Variants in WDFY2 observed in about 807,000 individuals in gnomAD.
The protein encoded by WDFY2 is WD repeat and FYVE domain-containing protein 2.
In WDFY2, 36 loss-of-function variants were observed where a neutral mutation model predicts 56.4. The ratio of observed to expected loss-of-function variants is 0.64; its 90% CI spans 0.49 to 0.84. The LOEUF (loss-of-function observed/expected upper bound fraction) is 0.84. Among genes scored for constraint, WDFY2 ranks in the 40% least tolerant of loss-of-function variants. The probability of loss-of-function intolerance (pLI) is 0.00; values close to 1 mark genes in which losing one functional copy is unlikely to be tolerated. For missense variants in WDFY2, 444 were observed against 512.2 expected (o/e 0.87, Z 1.29); for synonymous variants, 176 against 183.7 (o/e 0.96, Z 0.34).
intron 3 of WDFY2, among the ~76,000 whole-genome samples, chr13:51,686,347 A>G (rs1038886920): frequency 7.2e-5 from 11 of 152,146 alleles, no homozygotes; most frequent in Non-Finnish European, 2.9e-5. Context: ...AAGCCCTCAG[A>G]AAGTGGTAAT....
At chr13:51,588,164 A>G (rs1412907307) in intron 1 of WDFY2, 1 of 152,204 alleles carries the variant, frequency 6.6e-6, no homozygotes, top group East Asian at 1.9e-4. Context: ...TGGATACCTC[A>G]TTTCCCAGCT....
intron 3 of WDFY2, among the ~76,000 whole-genome samples, chr13:51,696,450 A>G (rs1384742987): frequency 6.6e-6 from 1 of 152,228 alleles, no homozygotes; most frequent in Non-Finnish European, 1.5e-5. Context: ...ATTAACATAT[A>G]AGTTGTATCT....
chr13:51,731,948 A>G (rs913042313), intron 6 of WDFY2, among the ~76,000 whole-genome samples: 1 of 152,174 alleles, frequency 6.6e-6, no homozygotes, highest in African/African-American at 2.4e-5. Context: ...TCATGTCCAA[A>G]GGCCAAAGCA....
chr13:51,604,115 A>AT (rs1362749923), intron 1 of WDFY2, among the ~76,000 whole-genome samples: 2 of 152,034 alleles, frequency 1.3e-5, no homozygotes, highest in East Asian at 1.9e-4. Flanking sequence ...ATGCAAAAAC[A>AT]TTTTTTTTAA....
rs137985339 is a variant in WDFY2 at position 51,641,226 on chromosome 13, C to T, written c.138-19370C>T. Among the ~76,000 whole-genome samples, 304 of 152,002 alleles carry T rather than the reference C, an allele frequency of 2.0e-3. 2 individuals are homozygous for T. The highest frequency in any genetic ancestry group is 6.7e-3 in the African/African-American group (280 of 41,518). On this transcript the variant is annotated intron_variant, in intron 1 of 11. Transcript: ENST00000298125. ...TAGCTGGGATTATAGGCGCCTGCTG[C>T]GCCCGGCTAATTCTTTGTATTTTTA...
intron 1 of WDFY2, among the ~76,000 whole-genome samples, chr13:51,629,872 T>C (rs1433895994): frequency 6.8e-6 from 1 of 146,528 alleles, no homozygotes; most frequent in Non-Finnish European, 1.5e-5. Context: ...CTGAAAAATA[T>C]TGAAAGTACA....
intron 3 of WDFY2, among the ~76,000 whole-genome samples, chr13:51,677,391 G>A (rs1320391179): frequency 6.6e-6 from 1 of 152,182 alleles, no homozygotes; most frequent in Non-Finnish European, 1.5e-5. Flanking sequence ...TGAGAGAACA[G>A]CATGTTTAAG....
chr13:51,594,765 C>T lies in WDFY2; in HGVS notation c.137+9941C>T, dbSNP rs187389266. 3.1e-3 allele frequency among the ~76,000 whole-genome samples: 470 copies of T among 152,272 alleles called. 3 individuals carry two copies. Among genetic ancestry groups the T allele is most frequent in the African/African-American group, 0.011 (445 of 41,546 alleles). On this transcript the variant is annotated intron_variant, in intron 1 of 11. Transcript: ENST00000298125. Reference sequence around the variant, plus strand: ...CTGCAAATTGGGAGTAATGACTCGTCCTAGTGTTGTTGGGAGGTTTACATG... The same window carrying T: ...CTGCAAATTGGGAGTAATGACTCGTTCTAGTGTTGTTGGGAGGTTTACATG...
At chr13:51,721,221 T>A (rs1255795975) in intron 5 of WDFY2, among the ~76,000 whole-genome samples, 1 of 152,138 alleles carries the variant, frequency 6.6e-6, no homozygotes, top group African/African-American at 2.4e-5. Context: ...ACCCAGCTAG[T>A]AAGTAGGAAA....
chr13:51,601,699 G>C (rs1030320545), intron 1 of WDFY2, among the ~76,000 whole-genome samples: 2 of 152,130 alleles, frequency 1.3e-5, no homozygotes, highest in Non-Finnish European at 2.9e-5. Context: ...TCATTTTAAA[G>C]ATGTAGAAAC....
chr13:51,584,784 GT>G lies in WDFY2; in HGVS notation c.98del (p.Val33GlyfsTer20). ...GGAGGTGGTGAATATGGCCGTGATC[GT>G]GCCCAAAGAGGAGGGCGTCATCAGC... is the stretch of plus-strand genomic sequence containing the variant. ...SQEVVNMAVI[V>X]PKEEGVISVS... On this transcript the variant is annotated frameshift_variant, in exon 1 of 12. Coordinates refer to ENST00000298125, the MANE Select transcript of WDFY2 (RefSeq NM_052950.4). LOFTEE classifies it high-confidence loss of function. 1 of 1,613,938 alleles carries G rather than the reference GT, an allele frequency of 6.2e-7. No homozygotes were observed. Among genetic ancestry groups the G allele is most frequent in the Non-Finnish European group, 8.5e-7 (1 of 1,179,830 alleles).
chr13:51,718,721 A>G (rs1458999919), intron 4 of WDFY2, among the ~76,000 whole-genome samples: 7 of 152,204 alleles, frequency 4.6e-5, no homozygotes, highest in East Asian at 3.8e-4. Context: ...GTATGGCTTT[A>G]TAAGACAGAC....
At position 51,754,090 on chromosome 13, in the gene WDFY2, CAA is replaced by C. The variant is rs34329123; in HGVS notation, c.832-1249_832-1248del. 3.7e-3 allele frequency among the ~76,000 whole-genome samples: 376 copies of C among 100,538 alleles called. 3 individuals carry two copies. Among genetic ancestry groups the C allele is most frequent in the African/African-American group, 8.7e-3 (249 of 28,506 alleles). 66.0% of individuals were successfully genotyped at this position (100,538 alleles called of 152,430 possible). A position where few individuals can be genotyped will look rare whatever the true frequency, so the allele number is the denominator to read the frequency against. On this transcript the variant is annotated intron_variant, in intron 8 of 11. Transcript: ENST00000298125. ...CCTGGGCAACACAGCAAGGCTGTCT[CAA>C]AAAAAAAAAAAAAAAAAAGTTTACT...
intron 3 of WDFY2, among the ~76,000 whole-genome samples, chr13:51,685,215 T>G (rs1210689755): frequency 2.0e-5 from 3 of 152,214 alleles, no homozygotes; most frequent in Non-Finnish European, 4.4e-5. Flanking sequence ...GAAAGACTCT[T>G]TGTAAGAATT....
In WDFY2 at chr13:51,767,250, A is replaced by C. The variant is rs546174175; in HGVS notation, c.*7481A>C. On this transcript the variant is annotated 3_prime_UTR_variant, in exon 12 of 12. Transcript: ENST00000298125. ...GTGCTGCCAGCACAGCGTCGCCCAC[A>C]CCCAGCATTGCTGAGGCCCATCATC... 10 of 152,360 alleles carry C rather than the reference A, an allele frequency of 6.6e-5. No homozygotes were observed. Among genetic ancestry groups the C allele is most frequent in the African/African-American group, 2.4e-4 (10 of 41,582 alleles). 9.4% of individuals were successfully genotyped at this position (152,360 alleles called of 1,614,324 possible).
chr13:51,646,624 T>C (rs952547387), intron 1 of WDFY2, among the ~76,000 whole-genome samples: 1 of 152,234 alleles, frequency 6.6e-6, no homozygotes, highest in African/African-American at 2.4e-5. Flanking sequence ...GTGTGTCGTG[T>C]AAATTAATGA....
chr13:51,586,223 A>G, intron 1 of WDFY2: 1 of 395,260 alleles, frequency 2.5e-6, no homozygotes, highest in East Asian at 3.6e-5. Context: ...ATTCTTTGGC[A>G]CAGTATTGTT....
intron 3 of WDFY2, among the ~76,000 whole-genome samples, chr13:51,685,447 G>A (rs2138527959): frequency 6.6e-6 from 1 of 152,240 alleles, no homozygotes; most frequent in African/African-American, 2.4e-5. Context: ...GCTGTTGACT[G>A]GAAGCCTTAC....
chr13:51,648,166 C>T (rs982776048), intron 1 of WDFY2, among the ~76,000 whole-genome samples: 4 of 152,044 alleles, frequency 2.6e-5, no homozygotes, highest in African/African-American at 9.7e-5. Flanking sequence ...ATGGGAGGCA[C>T]GTGGGAATTC....
Sources: allele counts gnomAD v4.1 joint callset (sites outside exome capture counted in the v4.1 genomes callset), GRCh38; gene constraint gnomAD v4.1.1; transcripts MANE v1.5; gene names NCBI Gene and HGNC (gene_info 2026-07-23, HGNC 2026-07-21).